ELMO2: variants seen among roughly 807,000 people sequenced by gnomAD.
ELMO2 encodes engulfment and cell motility protein 2.
ELMO2 carries 37 observed loss-of-function variants against 96.2 expected under a neutral mutation model. The ratio of observed to expected loss-of-function variants is 0.38; its 90% CI spans 0.30 to 0.51. The LOEUF (loss-of-function observed/expected upper bound fraction) is 0.51. ELMO2 is among the 20% of genes least tolerant of loss of function. ELMO2 has a pLI of 0.88. For missense variants in ELMO2, 561 were observed against 912.6 expected, an observed-to-expected ratio of 0.61 and a Z score of 4.96; for synonymous variants, 315 against 329.4, an observed-to-expected ratio of 0.96 and a Z score of 0.47.
intron 8 of ELMO2, 88 bp from the exon 9 acceptor site, chr20:46,386,363 C>G (rs1046911517): frequency 7.2e-6 from 11 of 1,528,292 alleles, no homozygotes; most frequent in African/African-American, 2.7e-5. Context: ...TTGAAGCTCT[C>G]TCTGCTTCAC....
chr20:46,380,129 C>G, intron 11 of ELMO2, 124 bp downstream of exon 11: 1 of 796,972 alleles, frequency 1.3e-6, no homozygotes, highest in East Asian at 2.8e-5. Context: ...GAGGTATTTA[C>G]CTATTGATAA....
Position 46,373,522 on chromosome 20 carries a change from G to A in ELMO2, c.1293C>T (p.Arg431=), listed in dbSNP as rs768825597. ...TAAAGAACATCGGGTGGTAGTCATT[G>A]CGTCCTTCATTTGCTGTGGAAGTGA... ...LQVGELPNEG[R]NDYHPMFFTH... is the part of the protein sequence containing the mutation. Residue 431 remains arginine, a synonymous_variant, in exon 16 of 22, where the codon CGC becomes CGT. Transcript: ENST00000290246. 6.2e-7 allele frequency: 1 copy of A among 1,614,138 alleles called. No individual in the cohort carries two copies. Among genetic ancestry groups the A allele is most frequent in the Non-Finnish European group, 8.5e-7 (1 of 1,180,002 alleles).
At position 46,397,630 on chromosome 20, in the gene ELMO2, C is replaced by G. The variant is rs542149362; in HGVS notation, c.-51+1067G>C. Among the ~76,000 whole-genome samples, 8 of 152,300 alleles carry G rather than the reference C, an allele frequency of 5.3e-5. No homozygotes were observed. The South Asian group carries it at 1.7e-3, about 32-fold the overall frequency. ...AGGTTTCAGTGAGCACAGATTGCAC[C>G]ATTACGCTCCAGCCTGGGCGACGGA... On this transcript the variant is annotated intron_variant, in intron 2 of 21. Transcript: ENST00000290246.
At chr20:46,402,380 T>G (rs2060351235) in intron 1 of ELMO2, among the ~76,000 whole-genome samples, 1 of 152,204 alleles carries the variant, frequency 6.6e-6, no homozygotes, top group South Asian at 2.1e-4. Context: ...GACTGAGGAT[T>G]ATTAATTGCC....
At chr20:46,381,890 T>C (rs1050795516) in intron 10 of ELMO2, among the ~76,000 whole-genome samples, 1 of 152,170 alleles carries the variant, frequency 6.6e-6, no homozygotes, top group Non-Finnish European at 1.5e-5. Context: ...GACGCATCCA[T>C]GGTATTGTCT....
At chr20:46,404,925 C>A (rs1005493708) in intron 1 of ELMO2, among the ~76,000 whole-genome samples, 19 of 152,294 alleles carry the variant, frequency 1.2e-4, no homozygotes, top group African/African-American at 4.1e-4. Context: ...CAGCATCACT[C>A]TAGCATAGAG....
rs185082279 is a variant in ELMO2 at position 46,375,668 on chromosome 20, C to T, written c.930G>A (p.Gln310=). The T allele has an allele frequency of 1.2e-6, 2 of 1,614,090 alleles. No individual in the cohort carries two copies. The highest frequency in any genetic ancestry group is 4.5e-5 in the East Asian group (2 of 44,890). ...RMMTKMDPND[Q]AQRDIIFELR... is the part of the protein sequence containing the mutation. ...AACAGCTGCCCCACTTAGCACCTAC[C>T]TGGTCATTGGGGTCCATCTTGGTCA... Residue 310 remains glutamine (Q), a splice_region_variant and synonymous_variant, in exon 12 of 22, where the codon CAG becomes CAA. Transcript: ENST00000290246. The surrounding 1 kb of genome is among the most constrained non-coding windows in gnomAD (Gnocchi z 4.6).
intron 1 of ELMO2, among the ~76,000 whole-genome samples, chr20:46,405,961 G>A (rs1026030861): frequency 4.6e-5 from 7 of 152,148 alleles, no homozygotes; most frequent in African/African-American, 1.7e-4. Flanking sequence ...CTGTGCCTGC[G>A]CAGGGCAGAC....
intron 1 of ELMO2, among the ~76,000 whole-genome samples, chr20:46,402,196 T>C (rs559765070): frequency 2.0e-5 from 3 of 151,992 alleles, no homozygotes; most frequent in Non-Finnish European, 2.9e-5. Context: ...TCCAGGAGAG[T>C]TGACAACCTG....
chr20:46,393,254 G>A, intron 5 of ELMO2, 111 bp from the exon 6 acceptor site: 1 of 1,116,982 alleles, frequency 9.0e-7, no homozygotes, highest in Non-Finnish European at 1.3e-6. Flanking sequence ...ATGTAACTGA[G>A]GATCTTCAGT....
chr20:46,397,953 A>T (rs1490433246), intron 2 of ELMO2, among the ~76,000 whole-genome samples: 18 of 152,212 alleles, frequency 1.2e-4, no homozygotes, highest in Admixed American at 9.2e-4. Context: ...TTATGTGGCT[A>T]TTACTTCCTA....
chr20:46,394,459 G>A lies in ELMO2; in HGVS notation c.24C>T (p.Val8=). 6.2e-7 allele frequency: 1 copy of A among 1,614,222 alleles called. No individual in the cohort carries two copies. The highest frequency in any genetic ancestry group is 8.5e-7 in the Non-Finnish European group (1 of 1,180,026). ...CACCTGGCCACTCAATGGCCACTTT[G>A]ACAATGTCTGACGGTGGTGGCATCG... The part of the protein sequence containing the change: MPPPSDI[V]KVAIEWPGAN... Residue 8 remains valine, a synonymous_variant, in exon 3 of 22, where the codon GTC becomes GTT. Transcript: ENST00000290246.
chr20:46,388,968 T>G, intron 7 of ELMO2, 71 bp downstream of exon 7: 6 of 1,504,106 alleles, frequency 4.0e-6, no homozygotes, highest in Non-Finnish European at 5.4e-6. Context: ...TCAAGGGAAA[T>G]GAGACTAGGA....
At chr20:46,393,479 G>A (rs779575632) in intron 5 of ELMO2, 50 bp downstream of exon 5, 17 of 1,592,492 alleles carry the variant, frequency 1.1e-5, no homozygotes, top group East Asian at 8.9e-5. Flanking sequence ...TCCTTGGGTC[G>A]TTTAATTCCA....
intron 1 of ELMO2, among the ~76,000 whole-genome samples, chr20:46,403,610 C>G (rs1334119306): frequency 6.6e-6 from 1 of 152,242 alleles, no homozygotes; most frequent in Non-Finnish European, 1.5e-5. Context: ...GATTCTGGCT[C>G]TTCATTACAC....
chr20:46,386,992 T>TA (rs1481489713), intron 8 of ELMO2, among the ~76,000 whole-genome samples: 1 of 152,258 alleles, frequency 6.6e-6, no homozygotes, highest in African/African-American at 2.4e-5. Context: ...CAAATTTTTT[T>TA]TATATATATA....
At chr20:46,372,131 A>G (rs896931179) in intron 16 of ELMO2, among the ~76,000 whole-genome samples, 162 bp from the exon 17 acceptor site, 1 of 152,220 alleles carries the variant, frequency 6.6e-6, no homozygotes, top group Non-Finnish European at 1.5e-5. Context: ...ATGGTTATTC[A>G]GGTCACATGA....
chr20:46,386,067 AGAG>A lies in ELMO2; in HGVS notation c.677+54_677+56del. The A allele has an allele frequency of 1.9e-6, 3 of 1,564,508 alleles. No individual in the cohort carries two copies. The East Asian group carries it at 6.8e-5, about 35-fold the overall frequency. ...GAGTAGGATTGGAAGACTTAAAATA[AGAG>A]GAGAAAAGAGGACAGACAAGTGAAG... On this transcript the variant is annotated intron_variant, in intron 9 of 21. Transcript: ENST00000290246.
chr20:46,369,281 A>G, intron 20 of ELMO2: 1 of 242,816 alleles, frequency 4.1e-6, no homozygotes, highest in South Asian at 8.9e-5. Context: ...AAAAGTTTTT[A>G]TATTACCAAG....
Sources: gnomAD v4.1 joint callset for allele counts (sites outside exome capture counted in the v4.1 genomes callset) on GRCh38, gnomAD v4.1.1 for gene constraint, Gnocchi (gnomAD v3.1) non-coding constraint, MANE v1.5 for transcripts, NCBI Gene and HGNC (gene_info 2026-07-23, HGNC 2026-07-21) for gene names.